FAM117B: variants seen among roughly 807,000 people sequenced by gnomAD.
The protein encoded by FAM117B is protein FAM117B.
In FAM117B, 22 loss-of-function variants were observed where a neutral mutation model predicts 52.8. The observed-to-expected ratio is 0.42, with a 90% CI of 0.30 to 0.59. The LOEUF (loss-of-function observed/expected upper bound fraction) is 0.59, where lower values mean the gene tolerates loss of function less well. FAM117B is among the 20% of genes least tolerant of loss of function. FAM117B has a pLI of 0.22. For missense variants in FAM117B, 678 were observed against 802.6 expected (o/e 0.84, Z 1.88); for synonymous variants, 309 against 324.1 (o/e 0.95, Z 0.50).
intron 4 of FAM117B, among the ~76,000 whole-genome samples, chr2:202,737,986 G>C (rs1691468689): frequency 6.6e-6 from 1 of 152,154 alleles, no homozygotes; most frequent in Non-Finnish European, 1.5e-5. Context: ...CTTGTTGAAG[G>C]ACATCTCATC....
At chr2:202,695,244 A>G (rs988782724) in intron 1 of FAM117B, among the ~76,000 whole-genome samples, 1 of 151,346 alleles carries the variant, frequency 6.6e-6, no homozygotes, top group African/African-American at 2.4e-5. Flanking sequence ...TTCTGTTTAT[A>G]TACAGTAATC....
intron 1 of FAM117B, among the ~76,000 whole-genome samples, chr2:202,641,089 A>G (rs1689762741): frequency 6.6e-6 from 1 of 152,254 alleles, no homozygotes; most frequent in Admixed American, 6.5e-5. Flanking sequence ...TAAAACACAC[A>G]AGGAATTCCA....
chr2:202,739,023 T>C (rs1691483181), intron 4 of FAM117B, among the ~76,000 whole-genome samples: 1 of 152,140 alleles, frequency 6.6e-6, no homozygotes, highest in Non-Finnish European at 1.5e-5. Context: ...ACCTTGTCTG[T>C]ATTAACAATA....
At chr2:202,726,427 T>C in intron 4 of FAM117B, 64 bp downstream of exon 4, 1 of 1,241,026 alleles carries the variant, frequency 8.1e-7, no homozygotes, top group Non-Finnish European at 1.2e-6. Flanking sequence ...GATTTGTTAT[T>C]TCATTGGTAA....
chr2:202,636,390 G>A (rs1421315991), intron 1 of FAM117B, among the ~76,000 whole-genome samples: 1 of 152,192 alleles, frequency 6.6e-6, no homozygotes, highest in East Asian at 1.9e-4. Flanking sequence ...GAAGGTTTAT[G>A]GGTTTTGTCT....
intron 7 of FAM117B, among the ~76,000 whole-genome samples, chr2:202,759,660 C>T (rs1467586352): frequency 1.3e-5 from 2 of 151,750 alleles, no homozygotes; most frequent in African/African-American, 2.4e-5. Flanking sequence ...TGGGTTCATG[C>T]CATTCTCCTG....
chr2:202,692,590 G>C (rs1238946918), intron 1 of FAM117B, among the ~76,000 whole-genome samples: 2 of 152,272 alleles, frequency 1.3e-5, no homozygotes, highest in Admixed American at 6.5e-5. Context: ...TTTTTAAAGG[G>C]ATAACATTTC....
At chr2:202,687,276 T>C (rs1441310359) in intron 1 of FAM117B, among the ~76,000 whole-genome samples, 1 of 152,230 alleles carries the variant, frequency 6.6e-6, no homozygotes, top group Non-Finnish European at 1.5e-5. Flanking sequence ...GGTCAGAGTT[T>C]ACCTGGGTTC....
intron 1 of FAM117B, among the ~76,000 whole-genome samples, chr2:202,688,387 G>A (rs1690575656): frequency 6.6e-6 from 1 of 152,050 alleles, no homozygotes; most frequent in Non-Finnish European, 1.5e-5. Flanking sequence ...TGTGTGTGTT[G>A]CAAGAAGTTT....
intron 2 of FAM117B, among the ~76,000 whole-genome samples, chr2:202,716,777 T>C (rs1251258607): frequency 6.6e-6 from 1 of 152,230 alleles, no homozygotes; most frequent in Admixed American, 6.5e-5. Context: ...AATTCTTTCC[T>C]CTGCTTGAGC....
chr2:202,687,434 G>A (rs781074785), intron 1 of FAM117B, among the ~76,000 whole-genome samples: 1 of 152,130 alleles, frequency 6.6e-6, no homozygotes, highest in Non-Finnish European at 1.5e-5. Context: ...TTTAGAGATA[G>A]GATGTTGCCC....
chr2:202,672,512 CA>C (rs2105766295), intron 1 of FAM117B, among the ~76,000 whole-genome samples: 1 of 152,322 alleles, frequency 6.6e-6, no homozygotes, highest in South Asian at 2.1e-4. Flanking sequence ...CTGCACCTGG[CA>C]CTATTTTCTT....
intron 1 of FAM117B, among the ~76,000 whole-genome samples, chr2:202,648,787 A>G (rs1689910493): frequency 6.6e-6 from 1 of 151,740 alleles, no homozygotes; most frequent in South Asian, 2.1e-4. Flanking sequence ...TTTGAGAAGA[A>G]GTCTTGCTCT....
At chr2:202,737,965 G>A (rs571886835) in intron 4 of FAM117B, among the ~76,000 whole-genome samples, 1 of 152,238 alleles carries the variant, frequency 6.6e-6, no homozygotes, top group East Asian at 1.9e-4. Context: ...TGTAGCTATT[G>A]ATATTAAATT....
At chr2:202,653,898 A>G (rs751250834) in intron 1 of FAM117B, among the ~76,000 whole-genome samples, 7 of 152,216 alleles carry the variant, frequency 4.6e-5, no homozygotes, top group Non-Finnish European at 7.4e-5. Context: ...CAAGTATGCT[A>G]CTATTCAACC....
At chr2:202,726,069 T>A (rs572406805) in intron 3 of FAM117B, among the ~76,000 whole-genome samples, 181 bp from the exon 4 acceptor site, 5 of 152,226 alleles carry the variant, frequency 3.3e-5, no homozygotes, top group African/African-American at 1.2e-4. Flanking sequence ...TTGGAACATA[T>A]ACACATACAT....
intron 4 of FAM117B, among the ~76,000 whole-genome samples, chr2:202,733,437 A>G (rs1001050399): frequency 2.0e-5 from 3 of 152,158 alleles, no homozygotes; most frequent in Non-Finnish European, 2.9e-5. Context: ...AGGGTACTAC[A>G]GGAGACCAGG....
At chr2:202,654,931 T>TTATA (rs144225852) in intron 1 of FAM117B, among the ~76,000 whole-genome samples, 1 of 150,378 alleles carries the variant, frequency 6.6e-6, no homozygotes, top group Non-Finnish European at 1.5e-5. Context: ...GAGTATACGT[T>TTATA]TATATATATA....
At chr2:202,737,501 A>G (rs1347687234) in intron 4 of FAM117B, among the ~76,000 whole-genome samples, 3 of 152,202 alleles carry the variant, frequency 2.0e-5, no homozygotes, top group East Asian at 1.9e-4. Flanking sequence ...TGGGAATGAC[A>G]TATAAATGGA....
Sources: gnomAD v4.1 joint callset for allele counts (sites outside exome capture counted in the v4.1 genomes callset) on GRCh38, gnomAD v4.1.1 for gene constraint, MANE v1.5 for transcripts, NCBI Gene and HGNC (gene_info 2026-07-23, HGNC 2026-07-21) for gene names.